KDM6B: variants seen among roughly 807,000 people sequenced by gnomAD.
KDM6B encodes the protein lysine demethylase 6B, also known as lysine-specific demethylase 6B.
Under a neutral mutation model 150.4 loss-of-function variants are expected in KDM6B, and 22 were observed. The ratio of observed to expected loss-of-function variants is 0.15; its 90% CI spans 0.10 to 0.21. The LOEUF (loss-of-function observed/expected upper bound fraction) is 0.21. Among genes scored for constraint, KDM6B ranks in the 10% least tolerant of loss-of-function variants. KDM6B has a pLI of 1.00. For synonymous variants in KDM6B, 1,148 were observed against 921.1 expected (o/e 1.25, Z -4.46); for missense variants, 1,984 against 2,234.3 (o/e 0.89, Z 2.26).
chr17:7,836,248 T>C (rs1407253524), intron 1 of KDM6B, among the ~76,000 whole-genome samples: 1 of 152,206 alleles, frequency 6.6e-6, no homozygotes, highest in Non-Finnish European at 1.5e-5. Context: ...ACCAAAACCC[T>C]TCCCATTCCT....
At chr17:7,840,597 T>G (rs2078399262) in intron 2 of KDM6B, 1 of 152,290 alleles carries the variant, frequency 6.6e-6, no homozygotes, top group South Asian at 2.1e-4. Context: ...CTTCTGTCAG[T>G]TCTCTGCCTG....
rs1314061708 is a variant in KDM6B, at chr17:7,851,945, C to G, written c.4166-6C>G. 11 of 1,613,414 alleles carry G rather than the reference C, an allele frequency of 6.8e-6. No individual in the cohort carries two copies. In the Admixed American group the frequency reaches 8.3e-5, roughly 12 times the overall value. On this transcript the variant is annotated splice_region_variant and splice_polypyrimidine_tract_variant and intron_variant, in intron 18 of 23. Coordinates refer to ENST00000448097, the MANE Select transcript of KDM6B (RefSeq NM_001348716.2). ...CAGCCATGCCGTTCTCTGTCGACCC[C>G]TGCAGGCCACCAGGAGAATAACAAC...
Position 7,850,917 on chromosome 17 carries a change from C to T in KDM6B, c.3674-104C>T, listed in dbSNP as rs1034651733. ...GGGCTGAGCTCTGCTAAACCTATGA[C>T]CACCCTGTCAGAGCCAGAGGAGTAG... On this transcript the variant is annotated intron_variant, in intron 14 of 23. Coordinates refer to ENST00000448097, the MANE Select transcript of KDM6B (RefSeq NM_001348716.2). 12 of 1,057,264 alleles carry T rather than the reference C, an allele frequency of 1.1e-5. No homozygotes were observed. In the African/African-American group the frequency reaches 1.7e-4, roughly 15 times the overall value. The allele number at this position is 1,057,264 out of a possible 1,614,324, so 65.5% of individuals were successfully genotyped here. A position where few individuals can be genotyped will look rare whatever the true frequency, so the allele number is the denominator to read the frequency against.
At chr17:7,836,878 C>A (rs955197951) in intron 1 of KDM6B, among the ~76,000 whole-genome samples, 1 of 152,168 alleles carries the variant, frequency 6.6e-6, no homozygotes, top group Non-Finnish European at 1.5e-5. Context: ...CACTAGTGCA[C>A]GTGCCCCGGG....
At chr17:7,840,853 T>C (rs1054106902) in intron 2 of KDM6B, among the ~76,000 whole-genome samples, 2 of 152,200 alleles carry the variant, frequency 1.3e-5, no homozygotes, top group Non-Finnish European at 2.9e-5. Context: ...CTTCTGAGAT[T>C]TGCTGCACAG....
chr17:7,846,371 G>GGGGCGGGCCCGCGGGCCCCCCCC, intron 7 of KDM6B, 29 bp from the exon 8 acceptor site: 1 of 1,488,926 alleles, frequency 6.7e-7, no homozygotes, highest in Non-Finnish European at 9.2e-7. Context: ...CCTGACATCT[G>GGGGCGGGCCCGCGGGCCCCCCCC]CCCCTGCCCC....
At chr17:7,835,245 G>A (rs1382498491) in intron 1 of KDM6B, among the ~76,000 whole-genome samples, 1 of 152,096 alleles carries the variant, frequency 6.6e-6, no homozygotes, top group Non-Finnish European at 1.5e-5. Context: ...TGGGGAGGGG[G>A]GCACGCGGGG....
chr17:7,848,572 A>ACCC lies in KDM6B; in HGVS notation c.2285_2286insCCC (p.Thr762_Ala763insPro). 6.6e-7 allele frequency: 1 copy of ACCC among 1,521,842 alleles called. No individual in the cohort carries two copies. The highest frequency in any genetic ancestry group is 1.1e-5 in the South Asian group (1 of 88,366). 94.3% of individuals were successfully genotyped at this position (1,521,842 alleles called of 1,614,324 possible). On this transcript the variant is annotated inframe_insertion, in exon 12 of 24. Transcript: ENST00000448097. ...CACCACCACCACCACCACCACCACC[A>ACCC]CGGCCACCCAGGAAGAGGAGAAGAA...
rs192379226 is a variant in KDM6B, at chr17:7,844,732, C to T, written c.-268-169C>T. Among the ~76,000 whole-genome samples the T allele has an allele frequency of 2.9e-3, 435 of 152,290 alleles. 2 individuals are homozygous for T. Among genetic ancestry groups the T allele is most frequent in the Admixed American group, 8.6e-3 (132 of 15,302 alleles). ...ATCCGCATGCGTCTTGTCCTGGCTGCCTTCTGGCCCTGACGGCCGGAGTGT... is the reference window on the plus strand; with the variant it reads ...ATCCGCATGCGTCTTGTCCTGGCTGTCTTCTGGCCCTGACGGCCGGAGTGT... On this transcript the variant is annotated intron_variant, in intron 2 of 23. Transcript: ENST00000448097. This position sits in a 1 kb window ranked among gnomAD's most constrained non-coding sequence, Gnocchi z 5.9.
chr17:7,853,072 C>G lies in KDM6B; in HGVS notation c.4683C>G (p.Ile1561Met), dbSNP rs1238477421. 1.2e-6 allele frequency: 2 copies of G among 1,614,120 alleles called. No individual in the cohort carries two copies. The highest frequency in any genetic ancestry group is 1.7e-5 in the Admixed American group (1 of 60,030). The change falls in exon 22 of 24, where the codon ATC becomes ATG. Residue 1561 changes from isoleucine to methionine, a missense_variant. Ile to Met is a conservative substitution (Grantham distance 10). This residue lies in a region of KDM6B where 18 missense variants were observed against 23.6 expected (regional missense o/e 0.76). Transcript: ENST00000448097. ...GCCTGGTGCGGGCAGGGAAGAAAAT[C>G]GCTTACCAGGGCCGTGTCAAGGACG... ...RESLVRAGKKIAYQGRVKDEP... is the reference protein window; with the variant it reads ...RESLVRAGKKMAYQGRVKDEP...
At position 7,845,914 on chromosome 17, in the gene KDM6B, A is replaced by G; in HGVS notation, c.180A>G (p.Leu60=). ...GGCAGCCCCCGCTTCCTGCTCCCCT[A>G]CCCCCTTCACATGGCAGTAGTTCTG... is the stretch of plus-strand genomic sequence containing the variant. ...SIGQPPLPAP[L]PPSHGSSSGH... The change falls in exon 6 of 24, where the codon CTA becomes CTG. Residue 60 remains leucine (L), a synonymous_variant. Transcript: ENST00000448097. 1 of 1,613,406 alleles carries G rather than the reference A, an allele frequency of 6.2e-7. No individual in the cohort carries two copies. Among genetic ancestry groups the G allele is most frequent in the Non-Finnish European group, 8.5e-7 (1 of 1,179,810 alleles).
Position 7,852,645 on chromosome 17 carries a change from C to T in KDM6B, c.4610+9C>T. The T allele has an allele frequency of 6.2e-7, 1 of 1,613,962 alleles. No individual in the cohort carries two copies. The highest frequency in any genetic ancestry group is 2.2e-5 in the East Asian group (1 of 44,888). On this transcript the variant is annotated intron_variant, in intron 21 of 23. Transcript: ENST00000448097. ...TTGTTCAAGATGATCAAGTGAGGAC[C>T]CTATTTGGGTGGGAGCCCACCTCCA...
At chr17:7,846,532 C>T in intron 8 of KDM6B, 40 bp downstream of exon 8, 2 of 1,614,070 alleles carry the variant, frequency 1.2e-6, no homozygotes, top group Non-Finnish European at 1.7e-6. Flanking sequence ...GAGAGCCAGG[C>T]TGTGCCTGCA....
chr17:7,847,504 C>T (rs769011046), intron 11 of KDM6B, 42 bp from the exon 12 acceptor site: 5 of 1,613,316 alleles, frequency 3.1e-6, no homozygotes, highest in Non-Finnish European at 4.2e-6. Context: ...TGTCTTGAGG[C>T]AGCCCGAGCA....
chr17:7,842,261 G>A (rs1935092970), intron 2 of KDM6B, among the ~76,000 whole-genome samples: 2 of 152,328 alleles, frequency 1.3e-5, no homozygotes, highest in East Asian at 1.9e-4. Flanking sequence ...CGAGTCCAGG[G>A]CCCGGATGGA....
chr17:7,845,377 G>A lies in KDM6B; in HGVS notation c.-85G>A. Reference sequence around the variant, plus strand: ...AGCGGGCACTCTTATCAGAGCGGCTGGAGCCGGACCATCGTCCCAGAGAGC... The same window carrying A: ...AGCGGGCACTCTTATCAGAGCGGCTAGAGCCGGACCATCGTCCCAGAGAGC... On this transcript the variant is annotated 5_prime_UTR_variant, in exon 4 of 24. Coordinates refer to ENST00000448097, the MANE Select transcript of KDM6B (RefSeq NM_001348716.2). 1.3e-6 allele frequency: 1 copy of A among 780,054 alleles called. No homozygotes were observed. Among genetic ancestry groups the A allele is most frequent in the African/African-American group, 1.7e-5 (1 of 58,566 alleles). 48.3% of individuals were successfully genotyped at this position (780,054 alleles called of 1,614,324 possible).
intron 18 of KDM6B, 56 bp from the exon 19 acceptor site, chr17:7,851,895 T>C (rs2078703320): frequency 2.5e-6 from 4 of 1,602,116 alleles, no homozygotes; most frequent in African/African-American, 2.7e-5. Flanking sequence ...GGCGGGGCTA[T>C]CGGGGATCGC....
intron 14 of KDM6B, 68 bp from the exon 15 acceptor site, chr17:7,850,953 G>C: frequency 7.2e-7 from 1 of 1,383,252 alleles, no homozygotes; most frequent in East Asian, 2.5e-5. Context: ...GAAGGGAAAG[G>C]GTCGATTGGG....
In KDM6B at chr17:7,843,230, C is replaced by T. The variant is rs1242897638; in HGVS notation, c.-268-1671C>T. On this transcript the variant is annotated intron_variant, in intron 2 of 23. Coordinates refer to ENST00000448097, the MANE Select transcript of KDM6B (RefSeq NM_001348716.2). The surrounding 1 kb of genome is among the most constrained non-coding windows in gnomAD (Gnocchi z 4.5). ...TCTGTTGTCTGGTTCCCCGGCTCCC[C>T]CTCCACGTCTGGTTCTTGGGTCTCC... Among the ~76,000 whole-genome samples, 1 of 152,182 alleles carries T rather than the reference C, an allele frequency of 6.6e-6. No homozygotes were observed. Among genetic ancestry groups the T allele is most frequent in the East Asian group, 1.9e-4 (1 of 5,180 alleles).
Sources: allele counts gnomAD v4.1 joint callset (sites outside exome capture counted in the v4.1 genomes callset), GRCh38; gene constraint gnomAD v4.1.1; regional missense constraint gnomAD v4.1.1; non-coding constraint Gnocchi (gnomAD v3.1); transcripts MANE v1.5; gene names NCBI Gene and HGNC (gene_info 2026-07-23, HGNC 2026-07-21).